Variants in EPG5 observed in about 807,000 individuals in gnomAD.
The protein encoded by EPG5 is ectopic P-granules 5 autophagy tethering factor.
EPG5 carries 159 observed loss-of-function variants against 302.7 expected under a neutral mutation model. The ratio of observed to expected loss-of-function variants is 0.53; its 90% CI spans 0.46 to 0.60. The LOEUF (loss-of-function observed/expected upper bound fraction) is 0.60. EPG5 is among the 20% of genes least tolerant of loss of function. EPG5 has a pLI of 0.00. For missense variants in EPG5, 2,896 were observed against 3,092.4 expected, an observed-to-expected ratio of 0.94 and a Z score of 1.51; for synonymous variants, 1,158 against 1,136.8, an observed-to-expected ratio of 1.02 and a Z score of -0.37.
At position 45,955,022 on chromosome 18, in the gene EPG5, T is replaced by C. The variant is rs1027702347; in HGVS notation, c.380A>G (p.Asn127Ser). Residue 127 changes from asparagine to serine, a missense_variant, in exon 2 of 44, where the codon AAT becomes AGT. By Grantham distance (46) the Asn-to-Ser change is conservative. Coordinates refer to ENST00000282041, the MANE Select transcript of EPG5 (RefSeq NM_020964.3). ...GGGGGTTTCTACTTTAGTTCCAACA[T>C]TGTCTCCAGGGTGGACCTTTGGAGT... ...AVTPKVHPGD[N>S]VGTKVETPKN... is the part of the protein sequence containing the mutation. 3.7e-6 allele frequency: 6 copies of C among 1,614,076 alleles called. No homozygotes were observed. The African/African-American group carries it at 4.0e-5, about 11-fold the overall frequency.
the EPG5 span, among the ~76,000 whole-genome samples, chr18:45,811,028 G>T: frequency 2.0e-5 from 3 of 151,910 alleles, no homozygotes; most frequent in Non-Finnish European, 4.4e-5. Context: ...TGTAATAAAG[G>T]CCATCTATGA....
intron 14 of EPG5, among the ~76,000 whole-genome samples, chr18:45,925,030 G>C (rs2050239222): frequency 1.3e-5 from 2 of 152,198 alleles, no homozygotes; most frequent in Non-Finnish European, 1.5e-5. Flanking sequence ...AACCCAGGGA[G>C]GCTGGCTTAG....
At chr18:45,831,418 T>C in the EPG5 span, among the ~76,000 whole-genome samples, 10 of 152,244 alleles carry the variant, frequency 6.6e-5, no homozygotes, top group Middle Eastern at 3.2e-3. Flanking sequence ...TTCTAGCTTT[T>C]CAATTTTCAT....
At chr18:45,801,408 A>G in the EPG5 span, among the ~76,000 whole-genome samples, 6 of 152,098 alleles carry the variant, frequency 3.9e-5, no homozygotes, top group South Asian at 1.0e-3. Context: ...AGCTCAAGCA[A>G]TCCTCCTCCC....
intron 27 of EPG5, among the ~76,000 whole-genome samples, chr18:45,890,444 C>T (rs2049317631): frequency 6.6e-6 from 1 of 152,038 alleles, no homozygotes; most frequent in Non-Finnish European, 1.5e-5. Flanking sequence ...ATGCCCAAAC[C>T]AACTCCATGC....
intron 15 of EPG5, among the ~76,000 whole-genome samples, chr18:45,922,927 T>G (rs1213512067): frequency 6.6e-6 from 1 of 152,248 alleles, no homozygotes; most frequent in East Asian, 1.9e-4. Flanking sequence ...ATTTTGGTGG[T>G]GTAAAAATTC....
rs78733712 is a variant in EPG5 at position 45,902,743 on chromosome 18, G to A, written c.4474+1230C>T. ...GAAGTATAGGCCCTAATTTTGTTTAGAAGTACAAGGTATCACCAGACACAA... is the reference window on the plus strand; with the variant it reads ...GAAGTATAGGCCCTAATTTTGTTTAAAAGTACAAGGTATCACCAGACACAA... On this transcript the variant is annotated intron_variant, in intron 25 of 43. Coordinates refer to ENST00000282041, the MANE Select transcript of EPG5 (RefSeq NM_020964.3). Among the ~76,000 whole-genome samples, 2,657 of 152,290 alleles carry A rather than the reference G, an allele frequency of 0.017. 223 individuals carry two copies. In the East Asian group the frequency reaches 0.29, roughly 16 times the overall value.
At chr18:45,825,809 T>C in the EPG5 span, 3 of 1,613,598 alleles carry the variant, frequency 1.9e-6, no homozygotes, top group South Asian at 1.1e-5. Flanking sequence ...CTCTGGCCCA[T>C]GCTCGGGACA....
In EPG5 at chr18:45,901,066, C is replaced by G. The variant is rs778094633; in HGVS notation, c.4576G>C (p.Val1526Leu). 3.7e-6 allele frequency: 6 copies of G among 1,614,178 alleles called. No homozygotes were observed. The highest frequency in any genetic ancestry group is 5.1e-6 in the Non-Finnish European group (6 of 1,180,024). Residue 1526 changes from valine (V) to leucine (L), a missense_variant, in exon 26 of 44, where the codon GTG (valine) becomes CTG (leucine). Physicochemically the swap from Val to Leu is conservative, Grantham distance 32. Coordinates refer to ENST00000282041, the MANE Select transcript of EPG5 (RefSeq NM_020964.3). Reference sequence around the variant, plus strand: ...GTGGCGTCCTTCTGACTCAATAGCACAGCAGAGGAAATAACTGGCACAGGA... The same window carrying G: ...GTGGCGTCCTTCTGACTCAATAGCAGAGCAGAGGAAATAACTGGCACAGGA... ...KPPVPVISSAVLLSQKDATQL... is the reference protein window; with the variant it reads ...KPPVPVISSALLLSQKDATQL...
chr18:45,924,315 G>A (rs1400442659), intron 14 of EPG5, among the ~76,000 whole-genome samples: 1 of 152,212 alleles, frequency 6.6e-6, no homozygotes, highest in Non-Finnish European at 1.5e-5. Flanking sequence ...TCACAAGCCA[G>A]AGAATGTGAA....
rs2143693741 is a variant in EPG5 at position 45,949,464 on chromosome 18, G to A, written c.1497+20C>T. On this transcript the variant is annotated intron_variant, in intron 5 of 43. Transcript: ENST00000282041. Reference sequence around the variant, plus strand: ...AACCTCTCCCCCAACCCCTCAGAATGAGTTGATGATTCATCATACCTGGAT... The same window carrying A: ...AACCTCTCCCCCAACCCCTCAGAATAAGTTGATGATTCATCATACCTGGAT... The A allele has an allele frequency of 6.8e-7, 1 of 1,478,080 alleles. No individual in the cohort carries two copies. The highest frequency in any genetic ancestry group is 2.3e-5 in the East Asian group (1 of 43,858). The allele number at this position is 1,478,080 out of a possible 1,614,324, so 91.6% of individuals were successfully genotyped here.
Position 45,877,242 on chromosome 18 carries a change from C to CA in EPG5, c.5943-901dup, listed in dbSNP as rs1243495018. Among the ~76,000 whole-genome samples, 58 of 151,192 alleles carry CA rather than the reference C, an allele frequency of 3.8e-4. 1 individual carries two copies. Among genetic ancestry groups the CA allele is most frequent in the Middle Eastern group, 6.8e-3 (2 of 294 alleles). ...CAAAACACTGTCTCTACTAAAAATA[C>CA]AAAAAAAATAAAAATTAAAATTGAA... On this transcript the variant is annotated intron_variant, in intron 34 of 43. Transcript: ENST00000282041.
chr18:45,832,693 C>A, the EPG5 span, among the ~76,000 whole-genome samples: 1 of 152,154 alleles, frequency 6.6e-6, no homozygotes, highest in Non-Finnish European at 1.5e-5. Context: ...AGATTAGAGA[C>A]CCTACAGTAA....
the EPG5 span, chr18:45,837,177 T>G: frequency 6.4e-7 from 1 of 1,560,620 alleles, no homozygotes; most frequent in South Asian, 1.2e-5. Context: ...AGGGCAGGTT[T>G]TGATGGGGAA....
At position 45,899,554 on chromosome 18, in the gene EPG5, A is replaced by G. The variant is rs1224300680; in HGVS notation, c.4659T>C (p.Leu1553=). 4 of 1,613,984 alleles carry G rather than the reference A, an allele frequency of 2.5e-6. No homozygotes were observed. In the Admixed American group the frequency reaches 6.7e-5, roughly 27 times the overall value. ...CCAGAGCAACCTGCTGAGATTCCCGAAGAGCTGCGGTTCTGAAAAACATCA... is the reference window on the plus strand; with the variant it reads ...CCAGAGCAACCTGCTGAGATTCCCGGAGAGCTGCGGTTCTGAAAAACATCA... ...LLQQQARTAA[L]RESQQVALDG... The change falls in exon 27 of 44, where the codon CTT becomes CTC. Residue 1553 remains leucine, a synonymous_variant. Coordinates refer to ENST00000282041, the MANE Select transcript of EPG5 (RefSeq NM_020964.3).
At chr18:45,896,406 A>G (rs951850388) in intron 27 of EPG5, among the ~76,000 whole-genome samples, 1 of 152,250 alleles carries the variant, frequency 6.6e-6, no homozygotes, top group Non-Finnish European at 1.5e-5. Flanking sequence ...AAGAAAACTT[A>G]AATATTTCTA....
chr18:45,840,113 C>T, the EPG5 span: 1 of 1,395,406 alleles, frequency 7.2e-7, no homozygotes, highest in Non-Finnish European at 1.0e-6. Context: ...ACAGTGGTTT[C>T]CTCGAGACCC....
chr18:45,842,011 T>C, the EPG5 span: 2 of 1,125,804 alleles, frequency 1.8e-6, no homozygotes, highest in South Asian at 1.3e-5. Flanking sequence ...CTCCCCAGAA[T>C]GTCTCCTCTT....
intron 20 of EPG5, 30 bp downstream of exon 20, chr18:45,915,481 A>T: frequency 6.8e-7 from 1 of 1,462,838 alleles, no homozygotes; most frequent in Non-Finnish European, 9.6e-7. Context: ...TCACAAAGAT[A>T]ACAAATGATC....
Sources: gnomAD v4.1 joint callset for allele counts (sites outside exome capture counted in the v4.1 genomes callset) on GRCh38, gnomAD v4.1.1 for gene constraint, MANE v1.5 for transcripts, NCBI Gene and HGNC (gene_info 2026-07-23, HGNC 2026-07-21) for gene names.